Variants in DSN1 observed in about 807,000 individuals in gnomAD.
DSN1 encodes DSN1 component of MIS12 kinetochore complex.
Under a neutral mutation model 45.7 loss-of-function variants are expected in DSN1, and 31 were observed. That is an observed-to-expected ratio of 0.68 (90% CI 0.51 to 0.92). The LOEUF (loss-of-function observed/expected upper bound fraction) is 0.92, where lower values mean the gene tolerates loss of function less well. Ranked by LOEUF, DSN1 falls within the 40% of genes least tolerant of loss-of-function variation. The pLI is 0.00. For synonymous variants in DSN1, 134 were observed against 142.3 expected (o/e 0.94, Z 0.41); for missense variants, 394 against 414.2 (o/e 0.95, Z 0.42).
rs113114230 is a variant in DSN1, at chr20:36,770,389, T to C, written c.355+484A>G. 6.0e-3 allele frequency among the ~76,000 whole-genome samples: 920 copies of C among 152,260 alleles called. 5 individuals are homozygous for C. Among genetic ancestry groups the C allele is most frequent in the Non-Finnish European group, 0.01 (712 of 68,006 alleles). On this transcript the variant is annotated intron_variant, in intron 3 of 10. Transcript: ENST00000373750. ...CACTCTAGATATTTGTATGTGCATC[T>C]TCCCTCTGAGGTATTTCCAGTTATA...
rs1450417719 is a variant in DSN1, at chr20:36,751,916, A to G, written c.*872T>C. The G allele has an allele frequency of 2.0e-5, 3 of 152,158 alleles. No individual in the cohort carries two copies. The highest frequency in any genetic ancestry group is 6.5e-5 in the Admixed American group (1 of 15,268). 9.4% of individuals were successfully genotyped at this position (152,158 alleles called of 1,614,324 possible). A position where few individuals can be genotyped will look rare whatever the true frequency, so the allele number is the denominator to read the frequency against. On this transcript the variant is annotated 3_prime_UTR_variant, in exon 11 of 11. Coordinates refer to ENST00000373750, the MANE Select transcript of DSN1 (RefSeq NM_001145315.2). ...TGAATCCAGGATTTAGGTCAACTCAATATGAAAAACTGAAGCACACTACAG... is the reference window on the plus strand; with the variant it reads ...TGAATCCAGGATTTAGGTCAACTCAGTATGAAAAACTGAAGCACACTACAG...
chr20:36,757,570 CCAAAA>C (rs113632354), intron 8 of DSN1, among the ~76,000 whole-genome samples: 6,972 of 151,966 alleles, frequency 0.046, 252 homozygotes, highest in African/African-American at 0.097. Context: ...GAGTCTGTCT[CCAAAA>C]CAAAACAAAA....
intron 9 of DSN1, 56 bp downstream of exon 9, chr20:36,755,626 G>A (rs1986626174): frequency 1.9e-6 from 3 of 1,561,412 alleles, no homozygotes; most frequent in Non-Finnish European, 1.7e-6. Flanking sequence ...TAATTTCCAA[G>A]GATTACAAGG....
At chr20:36,757,570 C>T (rs1318839890) in intron 8 of DSN1, among the ~76,000 whole-genome samples, 1 of 151,882 alleles carries the variant, frequency 6.6e-6, no homozygotes, top group Non-Finnish European at 1.5e-5. Context: ...GAGTCTGTCT[C>T]CAAAACAAAA....
intron 4 of DSN1, among the ~76,000 whole-genome samples, 194 bp downstream of exon 4, chr20:36,767,775 G>A (rs1370564222): frequency 2.0e-5 from 3 of 152,076 alleles, no homozygotes; most frequent in Non-Finnish European, 4.4e-5. Flanking sequence ...GGTGGCATGT[G>A]CCTGTAGTCT....
chr20:36,754,117 C>G (rs1410947726), intron 10 of DSN1, among the ~76,000 whole-genome samples: 1 of 152,050 alleles, frequency 6.6e-6, no homozygotes, highest in Non-Finnish European at 1.5e-5. Context: ...CACTTGAGCC[C>G]AGGAGTTGAA....
intron 4 of DSN1, 50 bp downstream of exon 4, chr20:36,767,919 C>A (rs772223093): frequency 2.5e-6 from 4 of 1,569,012 alleles, no homozygotes; most frequent in South Asian, 2.2e-5. Context: ...AAGATTGTCA[C>A]AATAGCAGTT....
At chr20:36,759,398 A>G (rs1396982017) in intron 6 of DSN1, among the ~76,000 whole-genome samples, 1 of 152,158 alleles carries the variant, frequency 6.6e-6, no homozygotes, top group Non-Finnish European at 1.5e-5. Context: ...TACAGGTGGG[A>G]GCCACCATGC....
At chr20:36,758,933 C>T (rs964008981) in intron 6 of DSN1, among the ~76,000 whole-genome samples, 7 of 152,084 alleles carry the variant, frequency 4.6e-5, no homozygotes, top group African/African-American at 9.7e-5. Flanking sequence ...GTGATCCGCC[C>T]GCCTCAACCT....
chr20:36,769,634 C>T (rs1256482477), intron 3 of DSN1, among the ~76,000 whole-genome samples: 1 of 152,126 alleles, frequency 6.6e-6, no homozygotes. Context: ...AGTAGCTTAA[C>T]ATTTCAGGGC....
In DSN1 at chr20:36,758,138, CAAGTCTGACGTTCTA is replaced by C. The variant is rs1410424156; in HGVS notation, c.659_673del (p.Leu220_Thr224del). The stretch of plus-strand genomic sequence containing the variant: ...CTGGTAGTGAAGCAAGAGCTGATCC[CAAGTCTGACGTTCTA>C]AAGAAAACCTGTAAGAATCAGGAAA... On this transcript the variant is annotated inframe_deletion, in exon 8 of 11. Transcript: ENST00000373750. 2 of 1,613,880 alleles carry C rather than the reference CAAGTCTGACGTTCTA, an allele frequency of 1.2e-6. No individual in the cohort carries two copies. Among genetic ancestry groups the C allele is most frequent in the African/African-American group, 2.7e-5 (2 of 74,924 alleles).
In DSN1 at chr20:36,752,865, G is replaced by A. The variant is rs766761186; in HGVS notation, c.994C>T (p.Pro332Ser). 4 of 1,614,084 alleles carry A rather than the reference G, an allele frequency of 2.5e-6. No individual in the cohort carries two copies. The highest frequency in any genetic ancestry group is 3.4e-6 in the Non-Finnish European group (4 of 1,180,036). Reference sequence around the variant, plus strand: ...TGAAGCTTCAACAGTTTTCGAGCTGGTGAGGGATCTAATTGTTGCATGCTT... The same window carrying A: ...TGAAGCTTCAACAGTTTTCGAGCTGATGAGGGATCTAATTGTTGCATGCTT... The part of the protein sequence containing the change: ...KRSMQQLDPS[P>S]ARKLLKLQLQ... Residue 332 changes from proline (P) to serine (S), a missense_variant, in exon 11 of 11, where the codon CCA becomes TCA. Physicochemically the swap from Pro to Ser is moderately conservative, Grantham distance 74. Transcript: ENST00000373750.
chr20:36,758,164 G>C lies in DSN1; in HGVS notation c.651-3C>G. 6.2e-7 allele frequency: 1 copy of C among 1,613,346 alleles called. No individual in the cohort carries two copies. Among genetic ancestry groups the C allele is most frequent in the Non-Finnish European group, 8.5e-7 (1 of 1,179,614 alleles). ...AAGTCTGACGTTCTAAAGAAAACCTGTAAGAATCAGGAAAAAAAGTTCAGT... is the reference window on the plus strand; with the variant it reads ...AAGTCTGACGTTCTAAAGAAAACCTCTAAGAATCAGGAAAAAAAGTTCAGT... On this transcript the variant is annotated splice_region_variant and splice_polypyrimidine_tract_variant and intron_variant, in intron 7 of 10. Coordinates refer to ENST00000373750, the MANE Select transcript of DSN1 (RefSeq NM_001145315.2).
intron 3 of DSN1, 127 bp downstream of exon 3, chr20:36,770,746 C>T (rs759852512): frequency 4.0e-5 from 42 of 1,051,188 alleles, no homozygotes; most frequent in Non-Finnish European, 5.5e-5. Context: ...GACATCAGTA[C>T]TTATAAAGTA....
intron 5 of DSN1, among the ~76,000 whole-genome samples, chr20:36,763,181 A>T (rs1026700885): frequency 6.6e-6 from 1 of 152,146 alleles, no homozygotes; most frequent in Non-Finnish European, 1.5e-5. Flanking sequence ...AGGCAGGCAT[A>T]TCACTTGAGG....
chr20:36,758,845 G>A (rs562506249), intron 6 of DSN1, among the ~76,000 whole-genome samples: 96 of 150,790 alleles, frequency 6.4e-4, no homozygotes, highest in Middle Eastern at 7.0e-3. Flanking sequence ...GTGCCACCAC[G>A]CCCGGCTAAT....
Position 36,766,803 on chromosome 20 carries a change from A to C in DSN1, c.468T>G (p.Thr156=). ...TAAAACTTTCAAGACTGAAGCCCTT[A>C]GTGTCCCTTAGGAAAGGTTCAAGTT... The part of the protein sequence containing the change: ...IQKLEPFLRD[T]KGFSLESFRA... Residue 156 remains threonine (T), a synonymous_variant, in exon 5 of 11, where the codon ACT becomes ACG. Transcript: ENST00000373750. The C allele has an allele frequency of 6.2e-7, 1 of 1,610,094 alleles. No homozygotes were observed. Among genetic ancestry groups the C allele is most frequent in the South Asian group, 1.1e-5 (1 of 90,028 alleles).
chr20:36,759,052 G>A (rs1159892149), intron 6 of DSN1, among the ~76,000 whole-genome samples: 1 of 152,006 alleles, frequency 6.6e-6, no homozygotes, highest in African/African-American at 2.4e-5. Context: ...GCATAATCTC[G>A]GCTTGCTGCA....
At chr20:36,761,259 G>A (rs185890798) in intron 6 of DSN1, among the ~76,000 whole-genome samples, 84 of 152,208 alleles carry the variant, frequency 5.5e-4, no homozygotes, top group Non-Finnish European at 9.6e-4. Flanking sequence ...AGAGGTCTCT[G>A]AACACTCCAG....
Sources: allele counts gnomAD v4.1 joint callset (sites outside exome capture counted in the v4.1 genomes callset), GRCh38; gene constraint gnomAD v4.1.1; transcripts MANE v1.5; gene names NCBI Gene and HGNC (gene_info 2026-07-23, HGNC 2026-07-21).